Variants in MED12L observed in about 807,000 individuals in gnomAD.
The protein encoded by MED12L is mediator of RNA polymerase II transcription subunit 12-like protein.
MED12L carries 60 observed loss-of-function variants against 281.3 expected under a neutral mutation model. That is an observed-to-expected ratio of 0.21 (90% CI 0.17 to 0.26). The LOEUF (loss-of-function observed/expected upper bound fraction) is 0.26, where lower values mean the gene tolerates loss of function less well. Ranked by LOEUF, MED12L falls within the 10% of genes least tolerant of loss-of-function variation. MED12L has a pLI of 1.00. For missense variants in MED12L, 2,146 were observed against 2,680.9 expected (o/e 0.80, Z 4.41); for synonymous variants, 974 against 987.2 (o/e 0.99, Z 0.25).
chr3:151,269,823 G>A (rs1028808107), intron 16 of MED12L: 4 of 432,152 alleles, frequency 9.3e-6, no homozygotes, highest in Non-Finnish European at 1.8e-5. Flanking sequence ...TAATGAAAAC[G>A]TTCCAGTCAA....
chr3:151,219,692 T>C (rs567508397), intron 16 of MED12L: 1 of 152,324 alleles, frequency 6.6e-6, no homozygotes, highest in East Asian at 1.9e-4. Flanking sequence ...CACCTGACTT[T>C]TTATTGGGAA....
intron 39 of MED12L, among the ~76,000 whole-genome samples, chr3:151,403,960 T>C (rs969991560): frequency 1.3e-5 from 2 of 152,220 alleles, no homozygotes; most frequent in Admixed American, 6.5e-5. Flanking sequence ...GAGGATTTTA[T>C]TGAAAAACTT....
intron 16 of MED12L, chr3:151,327,489 C>A (rs1329005589): frequency 1.3e-5 from 2 of 152,090 alleles, no homozygotes; most frequent in African/African-American, 4.8e-5. Context: ...TGACCCACTT[C>A]AGTTCCTCAG....
At chr3:151,377,262 TA>T in intron 30 of MED12L, 84 bp downstream of exon 30, 1 of 1,099,410 alleles carries the variant, frequency 9.1e-7, no homozygotes, top group Non-Finnish European at 1.3e-6. Context: ...GATTTTTCTT[TA>T]AGTCATAGGA....
In MED12L at chr3:151,328,714, A is replaced by C. The variant is rs368981427; in HGVS notation, c.2251-21345A>C. On this transcript the variant is annotated intron_variant, in intron 16 of 44. Coordinates refer to ENST00000687756, the MANE Select transcript of MED12L (RefSeq NM_001393769.1). Reference sequence around the variant, plus strand: ...ATATCACCGAAGAAAAACGACACACAAAAGCTCTGAGCTGCCAGGGTGCCA... The same window carrying C: ...ATATCACCGAAGAAAAACGACACACCAAAGCTCTGAGCTGCCAGGGTGCCA... The C allele has an allele frequency of 1.2e-4, 187 of 1,613,946 alleles. 1 individual carries two copies. The highest frequency in any genetic ancestry group is 9.9e-4 in the Middle Eastern group (6 of 6,084).
intron 4 of MED12L, among the ~76,000 whole-genome samples, chr3:151,124,777 C>A (rs1714261010): frequency 6.6e-6 from 1 of 152,148 alleles, no homozygotes; most frequent in African/African-American, 2.4e-5. Context: ...TTGTAAAGGA[C>A]CTTTTAACTC....
chr3:151,201,758 T>C (rs1430406892), intron 16 of MED12L, among the ~76,000 whole-genome samples: 1 of 152,250 alleles, frequency 6.6e-6, no homozygotes, highest in Non-Finnish European at 1.5e-5. Flanking sequence ...TGAACATACT[T>C]TTCTTCTTTA....
chr3:151,194,266 G>A (rs1039270348), intron 16 of MED12L, among the ~76,000 whole-genome samples: 21 of 152,036 alleles, frequency 1.4e-4, no homozygotes, highest in African/African-American at 4.8e-4. Flanking sequence ...CGTGCCAGGC[G>A]TAAATGTGTT....
chr3:151,159,080 A>G (rs1719661366), intron 7 of MED12L, among the ~76,000 whole-genome samples: 1 of 152,058 alleles, frequency 6.6e-6, no homozygotes, highest in Non-Finnish European at 1.5e-5. Context: ...ACCAACTTTT[A>G]AAATACTGTC....
At chr3:151,096,371 C>T (rs146264204) in intron 2 of MED12L, among the ~76,000 whole-genome samples, 1 of 151,988 alleles carries the variant, frequency 6.6e-6, no homozygotes, top group African/African-American at 2.4e-5. Flanking sequence ...GAGGGCCACT[C>T]CCCCCGCCCC....
intron 16 of MED12L, among the ~76,000 whole-genome samples, chr3:151,274,302 G>A (rs1741488965): frequency 6.6e-6 from 1 of 152,162 alleles, no homozygotes; most frequent in South Asian, 2.1e-4. Flanking sequence ...CCAGTTATAA[G>A]GACAGCTGCT....
intron 17 of MED12L, among the ~76,000 whole-genome samples, chr3:151,353,468 A>G (rs1445400916): frequency 6.6e-6 from 1 of 152,218 alleles, no homozygotes; most frequent in East Asian, 1.9e-4. Flanking sequence ...ATTTGGTGTT[A>G]CTGGCCAAAA....
chr3:151,401,217 G>A (rs938009341), intron 39 of MED12L, among the ~76,000 whole-genome samples: 3 of 150,140 alleles, frequency 2.0e-5, no homozygotes, highest in South Asian at 4.2e-4. Flanking sequence ...ATTTCATTAC[G>A]AATATTAATA....
chr3:151,307,440 A>G (rs141002201), intron 16 of MED12L, among the ~76,000 whole-genome samples: 1 of 152,178 alleles, frequency 6.6e-6, no homozygotes, highest in African/African-American at 2.4e-5. Flanking sequence ...TTCTGTTCTC[A>G]TAGTTTTGCT....
intron 16 of MED12L, among the ~76,000 whole-genome samples, chr3:151,325,969 A>G (rs1185086943): frequency 1.3e-5 from 2 of 152,230 alleles, no homozygotes; most frequent in Non-Finnish European, 2.9e-5. Flanking sequence ...TTCTTTTATC[A>G]GAGAGAATGA....
intron 43 of MED12L, among the ~76,000 whole-genome samples, chr3:151,417,476 T>TC (rs796227072): frequency 0.083 from 2,458 of 29,458 alleles, 138 homozygotes; most frequent in African/African-American, 0.2. Flanking sequence ...CTCCCCCAGC[T>TC]CCCCCCCCGC....
At chr3:151,372,160 A>G (rs1305108166) in intron 26 of MED12L, among the ~76,000 whole-genome samples, 1 of 152,214 alleles carries the variant, frequency 6.6e-6, no homozygotes, top group African/African-American at 2.4e-5. Context: ...TCATTGTAAG[A>G]GAAGAAATGG....
rs574089561 is a variant in MED12L, at chr3:151,098,735, G to A, written c.99+11710G>A. Among the ~76,000 whole-genome samples the A allele has an allele frequency of 5.3e-3, 808 of 152,304 alleles. 14 individuals are homozygous for A. The highest frequency in any genetic ancestry group is 0.044 in the South Asian group (212 of 4,828). On this transcript the variant is annotated intron_variant, in intron 2 of 44. Transcript: ENST00000687756. The stretch of plus-strand genomic sequence containing the variant: ...CCAAATGAGGTCACATTAACAGGTT[G>A]TGGGATTTGATGTGAATATCTTTTA...
chr3:151,147,106 C>G (rs1237048333), intron 5 of MED12L, among the ~76,000 whole-genome samples: 1 of 152,124 alleles, frequency 6.6e-6, no homozygotes, highest in Non-Finnish European at 1.5e-5. Context: ...CAAACATGTA[C>G]AAATATAGAA....
Sources: allele counts gnomAD v4.1 joint callset (sites outside exome capture counted in the v4.1 genomes callset), GRCh38; gene constraint gnomAD v4.1.1; transcripts MANE v1.5; gene names NCBI Gene and HGNC (gene_info 2026-07-23, HGNC 2026-07-21).